ASNS: variants seen among roughly 807,000 people sequenced by gnomAD.
The protein encoded by ASNS is asparagine synthetase (glutamine-hydrolyzing).
In ASNS, 37 loss-of-function variants were observed where a neutral mutation model predicts 62.6. That is an observed-to-expected ratio of 0.59 (90% CI 0.45 to 0.78). The LOEUF (loss-of-function observed/expected upper bound fraction) is 0.78, where lower values mean the gene tolerates loss of function less well. Ranked by LOEUF, ASNS falls within the 30% of genes least tolerant of loss-of-function variation. The probability of loss-of-function intolerance (pLI) is 0.00; values close to 1 mark genes in which losing one functional copy is unlikely to be tolerated. For synonymous variants in ASNS, 207 were observed against 237.9 expected (o/e 0.87, Z 1.19); for missense variants, 520 against 682.4 (o/e 0.76, Z 2.65).
At chr7:97,862,105 CA>C (rs1162084837) in intron 4 of ASNS, among the ~76,000 whole-genome samples, 3 of 137,414 alleles carry the variant, frequency 2.2e-5, no homozygotes, top group Non-Finnish European at 4.8e-5. Context: ...AATAAAAAGA[CA>C]AAATAACTCA....
chr7:97,918,778 G>T, the ASNS span, among the ~76,000 whole-genome samples: 3 of 152,086 alleles, frequency 2.0e-5, no homozygotes, highest in African/African-American at 7.2e-5. Context: ...GGTCCCGTCG[G>T]GGGTGGGGAA....
At chr7:97,924,644 C>G in the ASNS span, among the ~76,000 whole-genome samples, 10 of 152,288 alleles carry the variant, frequency 6.6e-5, no homozygotes, top group African/African-American at 2.4e-4. Flanking sequence ...ATCCTGGACC[C>G]TGAGAACCAG....
At chr7:97,879,647 T>A in the ASNS span, among the ~76,000 whole-genome samples, 1 of 151,956 alleles carries the variant, frequency 6.6e-6, no homozygotes, top group Non-Finnish European at 1.5e-5. Context: ...AACAACCAGA[T>A]GAGAAGGGAA....
chr7:97,907,040 A>T, the ASNS span, among the ~76,000 whole-genome samples: 1 of 152,190 alleles, frequency 6.6e-6, no homozygotes, highest in South Asian at 2.1e-4. Context: ...TACCTCAGAG[A>T]CACACCCAGA....
At chr7:97,871,736 T>C (rs1356407071) in intron 1 of ASNS, 2 of 151,888 alleles carry the variant, frequency 1.3e-5, no homozygotes, top group African/African-American at 4.8e-5. Flanking sequence ...CGGCAGGGTT[T>C]GCTCAGCAAG....
chr7:97,919,489 C>G, the ASNS span, among the ~76,000 whole-genome samples: 1 of 152,296 alleles, frequency 6.6e-6, no homozygotes, highest in East Asian at 1.9e-4. Flanking sequence ...GGGGCTTACC[C>G]CTCCATCAGG....
the ASNS span, among the ~76,000 whole-genome samples, chr7:97,903,292 G>A: frequency 1.4e-5 from 2 of 146,476 alleles, no homozygotes; most frequent in African/African-American, 5.0e-5. Flanking sequence ...CTAGGATTTA[G>A]TTTCCATTCT....
intron 3 of ASNS, among the ~76,000 whole-genome samples, chr7:97,865,862 T>C (rs1791938039): frequency 6.6e-6 from 1 of 152,106 alleles, no homozygotes. Context: ...CATGGGGAAA[T>C]CCGGGCATGT....
At chr7:97,912,600 TCAGACAGAGCCTCGCTCTGTCGC>T in the ASNS span, among the ~76,000 whole-genome samples, 3 of 147,366 alleles carry the variant, frequency 2.0e-5, no homozygotes, top group Non-Finnish European at 3.0e-5. Context: ...TTTTCTGTTT[TCAGACAGAGCCTCGCTCTGTCGC>T]CCAGGCTGGA....
intron 10 of ASNS, 85 bp from the exon 11 acceptor site, chr7:97,853,471 T>A: frequency 1.8e-6 from 2 of 1,141,374 alleles, no homozygotes; most frequent in Non-Finnish European, 2.6e-6. Flanking sequence ...TCCCATCAAT[T>A]CAACCAGATC....
At chr7:97,894,221 G>C in the ASNS span, among the ~76,000 whole-genome samples, 1 of 151,924 alleles carries the variant, frequency 6.6e-6, no homozygotes, top group East Asian at 1.9e-4. Flanking sequence ...AACAAAAGCA[G>C]TACTAGGAGA....
chr7:97,927,359 G>A, the ASNS span, among the ~76,000 whole-genome samples: 6,316 of 152,178 alleles, frequency 0.042, 270 homozygotes, highest in African/African-American at 0.11. Flanking sequence ...CTATGGACGA[G>A]CATCCCTTAA....
chr7:97,898,136 C>T, the ASNS span, among the ~76,000 whole-genome samples: 1 of 152,004 alleles, frequency 6.6e-6, no homozygotes, highest in Non-Finnish European at 1.5e-5. Context: ...ACTCTGTTGC[C>T]CAGGCTGGAG....
At chr7:97,922,604 T>A in the ASNS span, among the ~76,000 whole-genome samples, 2 of 152,068 alleles carry the variant, frequency 1.3e-5, no homozygotes, top group African/African-American at 2.4e-5. Context: ...CATAAAAAAA[T>A]AAGTCTGGGA....
intron 4 of ASNS, chr7:97,863,205 C>T (rs1261017266): frequency 6.6e-6 from 1 of 152,026 alleles, no homozygotes; most frequent in Admixed American, 6.6e-5. Context: ...TCATAATAGC[C>T]AAAAGGGGTA....
chr7:97,902,357 T>C, the ASNS span, among the ~76,000 whole-genome samples: 2 of 152,156 alleles, frequency 1.3e-5, no homozygotes, highest in Non-Finnish European at 2.9e-5. Flanking sequence ...AAATGCTTTA[T>C]TGAATTATTA....
intron 4 of ASNS, 91 bp from the exon 5 acceptor site, chr7:97,859,489 C>CCCTTT: frequency 7.2e-7 from 1 of 1,380,514 alleles, no homozygotes; most frequent in South Asian, 1.6e-5. Flanking sequence ...TTCCTATTTT[C>CCCTTT]CCTTTTTAAT....
At chr7:97,873,767 C>T (rs1792376636), upstream of ASNS, among the ~76,000 whole-genome samples, 3 of 152,030 alleles carry the variant, frequency 2.0e-5, no homozygotes, top group Admixed American at 6.6e-5. Context: ...GACAGGTTCC[C>T]CTGCTTGGTG....
At position 97,854,736 on chromosome 7, in the gene ASNS, T is replaced by G. The variant is rs1791353932; in HGVS notation, c.1138-56A>C. ...TGCTTTTGGCACACAAAGCAGTTTT[T>G]CTTTCTCCCTCTCCAATCCTAAAGG... is the stretch of plus-strand genomic sequence containing the variant. On this transcript the variant is annotated intron_variant, in intron 9 of 12. Coordinates refer to ENST00000394308, the MANE Select transcript of ASNS (RefSeq NM_001673.5). 6 of 1,610,080 alleles carry G rather than the reference T, an allele frequency of 3.7e-6. No individual in the cohort carries two copies. In the East Asian group the frequency reaches 1.3e-4, roughly 36 times the overall value.
Sources: gnomAD v4.1 joint callset for allele counts (sites outside exome capture counted in the v4.1 genomes callset) on GRCh38, gnomAD v4.1.1 for gene constraint, MANE v1.5 for transcripts, NCBI Gene and HGNC (gene_info 2026-07-23, HGNC 2026-07-21) for gene names.